Variants in GRTP1 observed in about 807,000 individuals in gnomAD.
The protein encoded by GRTP1 is growth hormone regulated TBC protein 1.
GRTP1 carries 56 observed loss-of-function variants against 38.1 expected under a neutral mutation model. That is an observed-to-expected ratio of 1.47 (90% CI 1.19 to 1.84). The LOEUF (loss-of-function observed/expected upper bound fraction) is 1.84. Among genes scored for constraint, GRTP1 ranks in the 40% most tolerant of loss-of-function variants. GRTP1 has a pLI of 0.00. For synonymous variants in GRTP1, 217 were observed against 189.5 expected (o/e 1.14, Z -1.19); for missense variants, 506 against 453.9 (o/e 1.11, Z -1.04).
chr13:113,360,515 G>A (rs767067427), intron 2 of GRTP1, among the ~76,000 whole-genome samples: 1 of 152,094 alleles, frequency 6.6e-6, no homozygotes, highest in Non-Finnish European at 1.5e-5. Context: ...TCCCATTTTT[G>A]GAATAACTCG....
At chr13:113,355,239 G>A (rs1018254112) in intron 3 of GRTP1, 84 bp downstream of exon 3, 3 of 1,443,180 alleles carry the variant, frequency 2.1e-6, no homozygotes, top group African/African-American at 2.8e-5. Context: ...GCTCACCCCT[G>A]GACGCTGAGG....
At chr13:113,353,864 G>A (rs191992731) in intron 3 of GRTP1, among the ~76,000 whole-genome samples, 17 of 152,252 alleles carry the variant, frequency 1.1e-4, no homozygotes, top group Admixed American at 7.9e-4. Context: ...GAGCCCGGGA[G>A]TTCAAGACCA....
At chr13:113,357,701 G>A (rs909878058) in intron 2 of GRTP1, among the ~76,000 whole-genome samples, 3 of 152,126 alleles carry the variant, frequency 2.0e-5, no homozygotes, top group Non-Finnish European at 4.4e-5. Flanking sequence ...CCCTCAGAGG[G>A]CAGCTTGACC....
intron 7 of GRTP1, 88 bp downstream of exon 7, chr13:113,325,573 C>G (rs763594623): frequency 7.0e-5 from 113 of 1,603,434 alleles, no homozygotes; most frequent in Non-Finnish European, 9.2e-5. Flanking sequence ...CCGTCCTGTG[C>G]ACCCTCCGGG....
chr13:113,359,028 T>C (rs145989330), intron 2 of GRTP1, among the ~76,000 whole-genome samples: 9 of 152,338 alleles, frequency 5.9e-5, no homozygotes, highest in African/African-American at 2.2e-4. Context: ...TTTTAAAAAT[T>C]GTAGTACATC....
intron 4 of GRTP1, among the ~76,000 whole-genome samples, chr13:113,345,451 T>A (rs1363951821): frequency 6.6e-6 from 1 of 152,258 alleles, no homozygotes; most frequent in African/African-American, 2.4e-5. Flanking sequence ...GGGTGCTGCC[T>A]CCAACATCAC....
chr13:113,362,570 A>G (rs2043518119), intron 2 of GRTP1, among the ~76,000 whole-genome samples: 1 of 152,170 alleles, frequency 6.6e-6, no homozygotes, highest in Non-Finnish European at 1.5e-5. Flanking sequence ...CAGGAGGTCA[A>G]GGCTACAGTG....
chr13:113,335,161 A>T (rs965762019), intron 5 of GRTP1, among the ~76,000 whole-genome samples: 10 of 151,982 alleles, frequency 6.6e-5, no homozygotes, highest in African/African-American at 1.7e-4. Flanking sequence ...TTATAATGCT[A>T]AAAAGGTTTA....
In GRTP1 at chr13:113,351,529, C is replaced by G. The variant is rs571047076; in HGVS notation, c.341-556G>C. ...CAGCTTGTGTGTGCAGGAGGCATCCCTGCCGGCCTCTTCCTTCCTCAGCAC... is the reference window on the plus strand; with the variant it reads ...CAGCTTGTGTGTGCAGGAGGCATCCGTGCCGGCCTCTTCCTTCCTCAGCAC... On this transcript the variant is annotated intron_variant, in intron 3 of 7. Coordinates refer to ENST00000375431, the MANE Select transcript of GRTP1 (RefSeq NM_024719.4). 3.4e-3 allele frequency: 540 copies of G among 157,610 alleles called. 4 individuals carry two copies. The highest frequency in any genetic ancestry group is 0.015 in the South Asian group (80 of 5,422). The allele number at this position is 157,610 out of a possible 1,614,324, so 9.8% of individuals were successfully genotyped here. A position where few individuals can be genotyped will look rare whatever the true frequency, so the allele number is the denominator to read the frequency against.
intron 7 of GRTP1, 43 bp from the exon 8 acceptor site, chr13:113,324,620 A>G (rs2042732240): frequency 1.9e-6 from 3 of 1,555,928 alleles, no homozygotes; most frequent in Non-Finnish European, 2.6e-6. Flanking sequence ...CCAACAACCC[A>G]TTTCTACGTT....
At chr13:113,333,293 C>T (rs2042903005) in intron 5 of GRTP1, among the ~76,000 whole-genome samples, 1 of 152,150 alleles carries the variant, frequency 6.6e-6, no homozygotes, top group Non-Finnish European at 1.5e-5. Flanking sequence ...AGACACACAG[C>T]CCAGGTGCCC....
chr13:113,325,155 C>A, intron 7 of GRTP1: 1 of 1,038,828 alleles, frequency 9.6e-7, no homozygotes, highest in Non-Finnish European at 1.2e-6. Context: ...TTGATGAAGG[C>A]CCAGCTGCTG....
At chr13:113,329,048 G>A (rs531317127) in intron 5 of GRTP1, among the ~76,000 whole-genome samples, 8 of 152,370 alleles carry the variant, frequency 5.3e-5, no homozygotes, top group Admixed American at 6.5e-5. Context: ...CGCCAGCCAC[G>A]CTTTATGTCC....
chr13:113,325,944 A>G lies in GRTP1; in HGVS notation c.710T>C (p.Leu237Pro). The change falls in exon 6 of 8, where the codon CTG (leucine) becomes CCG (proline). Residue 237 changes from leucine (L) to proline (P), a missense_variant. By Grantham distance (98) the Leu-to-Pro change is moderately conservative. Coordinates refer to ENST00000375431, the MANE Select transcript of GRTP1 (RefSeq NM_024719.4). ...CTCCACGGGCAAGATGTCCACAAAC[A>G]GGCAGATGAACCAGCGGGACACCAG... ...TLLVSRWFIC[L>P]FVDILPVETV... is the part of the protein sequence containing the mutation. 4 of 1,613,796 alleles carry G rather than the reference A, an allele frequency of 2.5e-6. No homozygotes were observed. In the South Asian group the frequency reaches 4.4e-5, roughly 18 times the overall value.
chr13:113,346,591 CGGG>C (rs2043142254), intron 4 of GRTP1, among the ~76,000 whole-genome samples: 3 of 13,446 alleles, frequency 2.2e-4, no homozygotes, highest in African/African-American at 2.5e-4. Context: ...AGAACAGACC[CGGG>C]AGGACCTCTG....
intron 4 of GRTP1, among the ~76,000 whole-genome samples, chr13:113,350,562 C>CACACACCCCACAGCAT: frequency 6.6e-6 from 1 of 150,498 alleles, no homozygotes; most frequent in Admixed American, 6.6e-5. Context: ...CCCCACAGCA[C>CACACACCCCACAGCAT]ACATATCCCA....
rs2042728923 is a variant in GRTP1, at chr13:113,324,441, A to G, written c.*47T>C. 3 of 1,501,526 alleles carry G rather than the reference A, an allele frequency of 2.0e-6. No homozygotes were observed. The highest frequency in any genetic ancestry group is 1.8e-6 in the Non-Finnish European group (2 of 1,121,936). The allele number at this position is 1,501,526 out of a possible 1,614,324, so 93.0% of individuals were successfully genotyped here. On this transcript the variant is annotated 3_prime_UTR_variant, in exon 8 of 8. Coordinates refer to ENST00000375431, the MANE Select transcript of GRTP1 (RefSeq NM_024719.4). ...AGTTGGTCCAGTGTCAACTCTGGAA[A>G]GGGGCATCGTCAGTGTAGAGACGAG... is the stretch of plus-strand genomic sequence containing the variant.
In GRTP1 at chr13:113,325,330, A is replaced by G. The variant is rs959646409; in HGVS notation, c.921+331T>C. 5.1e-5 allele frequency: 71 copies of G among 1,401,416 alleles called. No individual in the cohort carries two copies. The East Asian group carries it at 7.7e-4, about 15-fold the overall frequency. 86.8% of individuals were successfully genotyped at this position (1,401,416 alleles called of 1,614,324 possible). ...AACGCCCTCATCAGGACCTGAGTCTATACGGCCTGCGCCAGGTCCAGGACC... is the reference window on the plus strand; with the variant it reads ...AACGCCCTCATCAGGACCTGAGTCTGTACGGCCTGCGCCAGGTCCAGGACC... On this transcript the variant is annotated intron_variant, in intron 7 of 7. Coordinates refer to ENST00000375431, the MANE Select transcript of GRTP1 (RefSeq NM_024719.4).
At position 113,325,757 on chromosome 13, in the gene GRTP1, C is replaced by G; in HGVS notation, c.825G>C (p.Glu275Asp). The G allele has an allele frequency of 6.2e-7, 1 of 1,609,458 alleles. No homozygotes were observed. Among genetic ancestry groups the G allele is most frequent in the East Asian group, 2.2e-5 (1 of 44,878 alleles). The change falls in exon 7 of 8, where the codon GAG becomes GAC. Residue 275 changes from glutamate to aspartate, a missense_variant. Coordinates refer to ENST00000375431, the MANE Select transcript of GRTP1 (RefSeq NM_024719.4). ...GAACGCTGGTGGCTTCCAAAATCAA[C>G]TCCTGGTGCTGCTTAATTAAGGTCA... ...VALTLIKQHQ[E>D]LILEATSVPD...
Sources: allele counts gnomAD v4.1 joint callset (sites outside exome capture counted in the v4.1 genomes callset), GRCh38; gene constraint gnomAD v4.1.1; transcripts MANE v1.5; gene names NCBI Gene and HGNC (gene_info 2026-07-23, HGNC 2026-07-21).